The following PCTP variants were observed in gnomAD, a reference collection of about 807,000 sequenced individuals.
The protein encoded by PCTP is START domain-containing protein 2.
In PCTP, 27 loss-of-function variants were observed where a neutral mutation model predicts 31.0. That is an observed-to-expected ratio of 0.87 (90% confidence interval 0.64 to 1.20). PCTP has a LOEUF of 1.20. Ranked by LOEUF, PCTP falls within the 50% of genes most tolerant of loss-of-function variation. PCTP has a pLI of 0.00. For missense variants in PCTP, 287 were observed against 268.2 expected, an observed-to-expected ratio of 1.07 and a Z score of -0.49; for synonymous variants, 108 against 101.2, an observed-to-expected ratio of 1.07 and a Z score of -0.40.
At chr17:55,803,969 A>T (rs1461602114) in intron 3 of PCTP, among the ~76,000 whole-genome samples, 2 of 152,120 alleles carry the variant, frequency 1.3e-5, no homozygotes, top group Non-Finnish European at 2.9e-5. Context: ...TACCCATCTG[A>T]CAAAGGTCTA....
rs565319996 is a variant in PCTP at position 55,796,178 on chromosome 17, A to G, written c.317+8524A>G. On this transcript the variant is annotated intron_variant, in intron 3 of 3. Transcript: ENST00000572536. ...AGATTAGAGTACTGTGTCAGTAATA[A>G]TAAATAAATCTGAAAATTTCTCTTA... Among the ~76,000 whole-genome samples, 4 of 152,180 alleles carry G rather than the reference A, an allele frequency of 2.6e-5. No homozygotes were observed. In the South Asian group the frequency reaches 8.3e-4, roughly 32 times the overall value.
chr17:55,831,996 AC>A (rs1301087322), intron 5 of PCTP, among the ~76,000 whole-genome samples: 1 of 151,968 alleles, frequency 6.6e-6, no homozygotes, highest in Non-Finnish European at 1.5e-5. Context: ...AATGGCATGA[AC>A]CCGGGAGGCA....
At chr17:55,826,417 A>C (rs1467758633), downstream of PCTP, among the ~76,000 whole-genome samples, 1 of 152,058 alleles carries the variant, frequency 6.6e-6, no homozygotes, top group Non-Finnish European at 1.5e-5. Flanking sequence ...TCATCTGAAG[A>C]AACGCCATGC....
chr17:55,806,309 C>A (rs915161761), intron 3 of PCTP, among the ~76,000 whole-genome samples: 2 of 152,086 alleles, frequency 1.3e-5, no homozygotes, highest in African/African-American at 4.8e-5. Context: ...CTGGTTCTTA[C>A]TGGCTTGCAA....
chr17:55,755,625 A>T (rs775613678), intron 1 of PCTP, among the ~76,000 whole-genome samples: 1 of 152,078 alleles, frequency 6.6e-6, no homozygotes, highest in African/African-American at 2.4e-5. Flanking sequence ...TTTTCTCTTA[A>T]ATCACAAAAT....
At chr17:55,773,211 A>G (rs1911105704) in intron 3 of PCTP, among the ~76,000 whole-genome samples, 2 of 152,206 alleles carry the variant, frequency 1.3e-5, no homozygotes, top group East Asian at 1.9e-4. Flanking sequence ...TTTACTATGC[A>G]TAAAGGTCAG....
intron 5 of PCTP, among the ~76,000 whole-genome samples, chr17:55,832,948 T>C (rs969584874): frequency 2.6e-5 from 4 of 152,190 alleles, no homozygotes; most frequent in South Asian, 2.1e-4. Context: ...AAAGAGACCA[T>C]CCTTCTCCTC....
At chr17:55,785,736 A>T (rs1911725549) in intron 2 of PCTP, among the ~76,000 whole-genome samples, 1 of 152,226 alleles carries the variant, frequency 6.6e-6, no homozygotes, top group Admixed American at 6.5e-5. Context: ...TTCAGTGAAC[A>T]AAATATCTGT....
In PCTP at chr17:55,773,822, G is replaced by A; in HGVS notation, c.438G>A (p.Arg146=). 1 of 1,613,624 alleles carries A rather than the reference G, an allele frequency of 6.2e-7. No homozygotes were observed. Among genetic ancestry groups the A allele is most frequent in the East Asian group, 2.2e-5 (1 of 44,830 alleles). ...CCTCCATGCCTCAGCTTGGCGAGAG[G>A]TCTGGGGTGATCCGGGTGAAGCAAT... ...RSTSMPQLGE[R]SGVIRVKQYK... Residue 146 remains arginine, a synonymous_variant, in exon 4 of 6, where the codon AGG becomes AGA. Coordinates refer to ENST00000268896, the MANE Select transcript of PCTP (RefSeq NM_021213.4).
downstream of PCTP, among the ~76,000 whole-genome samples, chr17:55,846,260 C>G (rs1906147807): frequency 6.6e-6 from 1 of 152,070 alleles, no homozygotes; most frequent in Non-Finnish European, 1.5e-5. Context: ...CTCAATTCAC[C>G]CATCATGTAC....
intron 5 of PCTP, chr17:55,775,283 C>CTT (rs535238414): frequency 1.4e-5 from 14 of 977,986 alleles, no homozygotes; most frequent in East Asian, 1.2e-4. Context: ...TGTTGTTGCC[C>CTT]TTTTTTTTTT....
chr17:55,804,414 T>C (rs9904799), intron 3 of PCTP, among the ~76,000 whole-genome samples: 11,300 of 152,158 alleles, frequency 0.074, 1,368 homozygotes, highest in African/African-American at 0.25. Flanking sequence ...CACATGCGCA[T>C]GTATATTTAT....
At chr17:55,824,846 G>A (rs1905346523), downstream of PCTP, among the ~76,000 whole-genome samples, 1 of 152,142 alleles carries the variant, frequency 6.6e-6, no homozygotes, top group Non-Finnish European at 1.5e-5. Flanking sequence ...GCACGGTATA[G>A]ACTTTATAAC....
chr17:55,775,959 A>G, intron 5 of PCTP, 76 bp from the exon 6 acceptor site: 1 of 1,575,398 alleles, frequency 6.3e-7, no homozygotes, highest in Non-Finnish European at 8.6e-7. Context: ...AACATTGTTT[A>G]CCTTCTGCCA....
intron 3 of PCTP, among the ~76,000 whole-genome samples, chr17:55,814,580 C>T (rs75041045): frequency 0.038 from 5,739 of 152,306 alleles, 164 homozygotes; most frequent in Non-Finnish European, 0.063. Context: ...AGGTCTGTGT[C>T]GCTCAGCTGG....
At chr17:55,852,122 G>T in the PCTP span, among the ~76,000 whole-genome samples, 1 of 152,146 alleles carries the variant, frequency 6.6e-6, no homozygotes, top group Admixed American at 6.5e-5. Context: ...TGTAGCTCCA[G>T]TTCATACATT....
intron 5 of PCTP, among the ~76,000 whole-genome samples, chr17:55,836,713 A>T (rs1490195250): frequency 6.6e-6 from 1 of 152,240 alleles, no homozygotes; most frequent in East Asian, 1.9e-4. Context: ...CCTGGAACAC[A>T]TTGAAGACAA....
chr17:55,805,724 T>C (rs906171405), intron 3 of PCTP, among the ~76,000 whole-genome samples: 1 of 152,080 alleles, frequency 6.6e-6, no homozygotes, highest in Non-Finnish European at 1.5e-5. Flanking sequence ...CATTTAAAAA[T>C]GTGTATCCAT....
chr17:55,844,596 C>G (rs1353840251), downstream of PCTP, among the ~76,000 whole-genome samples: 1 of 152,112 alleles, frequency 6.6e-6, no homozygotes, highest in East Asian at 1.9e-4. Context: ...CAAATTCATA[C>G]CGCGGACAGG....
Sources: allele counts gnomAD v4.1 joint callset (sites outside exome capture counted in the v4.1 genomes callset), GRCh38; gene constraint gnomAD v4.1.1; transcripts MANE v1.5; gene names NCBI Gene and HGNC (gene_info 2026-07-23, HGNC 2026-07-21).